SOX5: variants seen among roughly 807,000 people sequenced by gnomAD.
SOX5 encodes the protein SRY-box transcription factor 5.
A neutral mutation model predicts 92.0 loss-of-function variants in SOX5; 9 were observed. That is an observed-to-expected ratio of 0.10 (90% CI 0.06 to 0.17). The LOEUF (loss-of-function observed/expected upper bound fraction) is 0.17. SOX5 is among the 10% of genes least tolerant of loss of function. SOX5 has a pLI of 1.00. For missense variants in SOX5, 642 were observed against 944.5 expected (o/e 0.68, Z 4.20); for synonymous variants, 344 against 336.3 (o/e 1.02, Z -0.25).
intron 2 of SOX5, among the ~76,000 whole-genome samples, chr12:23,895,538 A>G (rs978488964): frequency 1.3e-5 from 2 of 152,178 alleles, no homozygotes; most frequent in African/African-American, 4.8e-5. Flanking sequence ...TATATTTTGT[A>G]TATTTTTTCC....
At chr12:24,189,149 T>G (rs1956285192) in intron 4 of SOX5, among the ~76,000 whole-genome samples, 1 of 152,148 alleles carries the variant, frequency 6.6e-6, no homozygotes, top group Admixed American at 6.6e-5. Flanking sequence ...AGTCAGGGCT[T>G]TGTGACGGCT....
At chr12:23,903,458 C>T in intron 1 of SOX5, among the ~76,000 whole-genome samples, 1 of 152,132 alleles carries the variant, frequency 6.6e-6, no homozygotes. Flanking sequence ...ATGGCCTCCG[C>T]CTGTAGTGCG....
intron 6 of SOX5, among the ~76,000 whole-genome samples, chr12:23,673,061 T>C (rs1275042100): frequency 2.0e-5 from 3 of 152,110 alleles, no homozygotes; most frequent in African/African-American, 7.2e-5. Flanking sequence ...ATATTAAAAG[T>C]TGCTAATCAT....
intron 6 of SOX5, among the ~76,000 whole-genome samples, chr12:23,714,907 T>G (rs1049522667): frequency 6.6e-5 from 10 of 152,202 alleles, no homozygotes; most frequent in African/African-American, 2.4e-4. Context: ...GGTACACCTA[T>G]GCATATAGTA....
chr12:23,824,497 G>A (rs117031414), intron 3 of SOX5, among the ~76,000 whole-genome samples: 2,908 of 152,246 alleles, frequency 0.019, 39 homozygotes, highest in Non-Finnish European at 0.029. Flanking sequence ...TGAAAGCTTC[G>A]TCCCAGAGGG....
chr12:23,533,096 A>C lies in SOX5; in HGVS notation c.*1123T>G, dbSNP rs1242924014. 1 of 451,106 alleles carries C rather than the reference A, an allele frequency of 2.2e-6. No individual in the cohort carries two copies. The highest frequency in any genetic ancestry group is 2.4e-5 in the Admixed American group (1 of 42,136). The allele number at this position is 451,106 out of a possible 1,614,324, so 27.9% of individuals were successfully genotyped here. A position where few individuals can be genotyped will look rare whatever the true frequency, so the allele number is the denominator to read the frequency against. On this transcript the variant is annotated 3_prime_UTR_variant, in exon 15 of 15. Coordinates refer to ENST00000451604, the MANE Select transcript of SOX5 (RefSeq NM_006940.6). ...TTTAAAAATATAATTTCTGAGCCCT[A>C]TACTTGGTTAAGTTGTCATTTGAAG...
At chr12:23,636,110 A>G (rs1287825385) in intron 8 of SOX5, among the ~76,000 whole-genome samples, 3 of 152,216 alleles carry the variant, frequency 2.0e-5, no homozygotes, top group Non-Finnish European at 4.4e-5. Context: ...GCAGTTGGCT[A>G]ATGTGAATTG....
At chr12:24,075,198 C>G (rs4105558) in intron 4 of SOX5, among the ~76,000 whole-genome samples, 36,322 of 146,096 alleles carry the variant, frequency 0.25, 4,720 homozygotes, top group Non-Finnish European at 0.3. Flanking sequence ...GAGCCCAAAA[C>G]TTTGAGGCTT....
rs532473185 is a variant in SOX5 at position 23,783,978 on chromosome 12, G to A, written c.482-28254C>T. On this transcript the variant is annotated intron_variant, in intron 3 of 14. Coordinates refer to ENST00000451604, the MANE Select transcript of SOX5 (RefSeq NM_006940.6). ...ATAAAAACAACAACTAAACATTTGT[G>A]ACACCGTTATTCTACTCTTCTTAAC... is the stretch of plus-strand genomic sequence containing the variant. Among the ~76,000 whole-genome samples, 3 of 152,270 alleles carry A rather than the reference G, an allele frequency of 2.0e-5. No individual in the cohort carries two copies. The East Asian group carries it at 5.8e-4, about 29-fold the overall frequency.
chr12:24,318,266 T>C (rs538010112), intron 2 of SOX5, among the ~76,000 whole-genome samples: 1 of 152,182 alleles, frequency 6.6e-6, no homozygotes, highest in African/African-American at 2.4e-5. Flanking sequence ...TTGAGCTAGA[T>C]GCACCCATGC....
rs527647441 is a variant in SOX5 at position 24,049,638 on chromosome 12, G to GTTTTTTTTTT, written c.-1-153624_-1-153615dup. 5.8e-4 allele frequency among the ~76,000 whole-genome samples: 43 copies of GTTTTTTTTTT among 73,766 alleles called. 3 individuals carry two copies. Among genetic ancestry groups the GTTTTTTTTTT allele is most frequent in the African/African-American group, 1.5e-3 (25 of 16,848 alleles). The allele number at this position is 73,766 out of a possible 152,430, so 48.4% of individuals were successfully genotyped here. A position where few individuals can be genotyped will look rare whatever the true frequency, so the allele number is the denominator to read the frequency against. On this transcript the variant is annotated intron_variant, in intron 4 of 4. Coordinates refer to the SOX5 transcript ENST00000446891. Reference sequence around the variant, plus strand: ...TGTTGATATTTTCCAATCCTTCATAGTTTTTTTTTTTTTTTTTTTTTTTTT... The same window carrying GTTTTTTTTTT: ...TGTTGATATTTTCCAATCCTTCATAGTTTTTTTTTTTTTTTTTTTTTTTTTTTTTTTTTTT...
chr12:24,201,876 A>G (rs1217000900), intron 4 of SOX5, among the ~76,000 whole-genome samples: 2 of 152,182 alleles, frequency 1.3e-5, no homozygotes, highest in African/African-American at 4.8e-5. Context: ...CATCGATGGA[A>G]CTTAATGTAC....
At chr12:23,977,526 G>T (rs1009084845) in intron 4 of SOX5, among the ~76,000 whole-genome samples, 1 of 152,076 alleles carries the variant, frequency 6.6e-6, no homozygotes, top group African/African-American at 2.4e-5. Context: ...AGCCGGGACC[G>T]GTGGTGCATG....
chr12:24,483,259 A>G (rs1946185956), intron 1 of SOX5, among the ~76,000 whole-genome samples: 1 of 152,234 alleles, frequency 6.6e-6, no homozygotes, highest in Non-Finnish European at 1.5e-5. Flanking sequence ...ACAATACAAA[A>G]GAGAATAATA....
chr12:23,632,946 AAT>A (rs1471941907), intron 8 of SOX5, among the ~76,000 whole-genome samples: 1 of 152,182 alleles, frequency 6.6e-6, no homozygotes, highest in East Asian at 1.9e-4. Context: ...GAATTTTTAA[AAT>A]AGTCCTACTA....
At chr12:24,298,612 A>C (rs1947567378) in intron 2 of SOX5, among the ~76,000 whole-genome samples, 1 of 152,148 alleles carries the variant, frequency 6.6e-6, no homozygotes, top group South Asian at 2.1e-4. Context: ...AATATGTACT[A>C]ATAGAACAGT....
intron 3 of SOX5, among the ~76,000 whole-genome samples, chr12:23,773,009 G>T (rs1433231110): frequency 6.6e-6 from 1 of 152,072 alleles, no homozygotes; most frequent in East Asian, 1.9e-4. Flanking sequence ...CATCTACTAT[G>T]CTTAGTTATT....
Position 23,819,739 on chromosome 12 carries a change from C to T in SOX5, c.481+26244G>A, listed in dbSNP as rs573376821. ...TGATGGTTTCCAGTGTATCCATGTC[C>T]CTGCAAAGGACATGAACTCATTTTT... On this transcript the variant is annotated intron_variant, in intron 3 of 14. Coordinates refer to ENST00000451604, the MANE Select transcript of SOX5 (RefSeq NM_006940.6). Among the ~76,000 whole-genome samples the T allele has an allele frequency of 1.1e-4, 16 of 152,188 alleles. No individual in the cohort carries two copies. The South Asian group carries it at 3.1e-3, about 30-fold the overall frequency.
chr12:23,661,450 C>T (rs552517136), intron 7 of SOX5, among the ~76,000 whole-genome samples: 1 of 152,228 alleles, frequency 6.6e-6, no homozygotes, highest in African/African-American at 2.4e-5. Context: ...AACCTTATAT[C>T]CATCAACCAC....
Sources: gnomAD v4.1 joint callset for allele counts (sites outside exome capture counted in the v4.1 genomes callset) on GRCh38, gnomAD v4.1.1 for gene constraint, MANE v1.5 for transcripts, NCBI Gene and HGNC (gene_info 2026-07-23, HGNC 2026-07-21) for gene names.